The following PKHD1L1 variants were observed in gnomAD, a reference collection of about 807,000 sequenced individuals.
PKHD1L1 encodes PKHD1 like 1.
PKHD1L1 carries 434 observed loss-of-function variants against 462.9 expected under a neutral mutation model. That is an observed-to-expected ratio of 0.94 (90% CI 0.87 to 1.02). PKHD1L1 has a LOEUF of 1.02. Among genes scored for constraint, PKHD1L1 ranks in the 50% least tolerant of loss-of-function variants. The pLI, the probability that PKHD1L1 is intolerant of heterozygous loss-of-function variation, is 0.00. For missense variants in PKHD1L1, 5,202 were observed against 5,096.1 expected, an observed-to-expected ratio of 1.02 and a Z score of -0.63; for synonymous variants, 1,781 against 1,750.0, an observed-to-expected ratio of 1.02 and a Z score of -0.44.
chr8:109,413,638 G>A, intron 21 of PKHD1L1, 93 bp downstream of exon 21: 2 of 1,138,654 alleles, frequency 1.8e-6, no homozygotes, highest in Non-Finnish European at 2.3e-6. Context: ...TTTTTGTTTT[G>A]GTCTGTTTGG....
In PKHD1L1 at chr8:109,445,517, G is replaced by A. The variant is rs201130267; in HGVS notation, c.5648G>A (p.Arg1883His). 4.2e-5 allele frequency: 68 copies of A among 1,613,374 alleles called. No homozygotes were observed. In the Middle Eastern group the frequency reaches 4.9e-4, roughly 12 times the overall value. Reference protein sequence around the residue: ...ISINPNEVYCRTPAGTTGMVD... With the variant: ...ISINPNEVYCHTPAGTTGMVD... The stretch of plus-strand genomic sequence containing the variant: ...ATCAACCCCAATGAAGTCTACTGCC[G>A]CACTCCCGCTGGGACCACTGGAATG... The change falls in exon 38 of 78, where the codon CGC (arginine) becomes CAC (histidine). Residue 1883 changes from arginine to histidine, a missense_variant. By Grantham distance (29) the Arg-to-His change is conservative. This residue lies in a region of PKHD1L1 where 4,497 missense variants were observed against 4,336.8 expected (regional missense o/e 1.04). Transcript: ENST00000378402.
At chr8:109,496,723 A>C (rs1819106481) in intron 63 of PKHD1L1, among the ~76,000 whole-genome samples, 196 bp from the exon 64 acceptor site, 1 of 152,230 alleles carries the variant, frequency 6.6e-6, no homozygotes, top group Non-Finnish European at 1.5e-5. Flanking sequence ...CATCTCAAGA[A>C]CATTTAAAGA....
Position 109,442,123 on chromosome 8 carries a change from T to C in PKHD1L1, c.4321T>C (p.Ser1441Pro). ...TAGAGGGATAGGATATAGGATTTTT[T>C]CTGTCTCCAGTCCTGGAAGTGTAAT... ...FLRGIGYRIF[S>P]VSSPGSVIYD... Residue 1441 changes from serine to proline, a missense_variant, in exon 35 of 78, where the codon TCT becomes CCT. By Grantham distance (74) the Ser-to-Pro change is moderately conservative. Around this residue, in one of 3 missense-constraint regions of PKHD1L1, gnomAD observed 4,497 missense variants for 4,336.8 expected, o/e 1.04. Coordinates refer to ENST00000378402, the MANE Select transcript of PKHD1L1 (RefSeq NM_177531.6). 1 of 1,613,516 alleles carries C rather than the reference T, an allele frequency of 6.2e-7. No individual in the cohort carries two copies. The highest frequency in any genetic ancestry group is 8.5e-7 in the Non-Finnish European group (1 of 1,179,602).
Position 109,448,127 on chromosome 8 carries a change from T to C in PKHD1L1, c.5777-16T>C, listed in dbSNP as rs148550495. On this transcript the variant is annotated splice_polypyrimidine_tract_variant and intron_variant, in intron 38 of 77. Coordinates refer to ENST00000378402, the MANE Select transcript of PKHD1L1 (RefSeq NM_177531.6). ...AGTTAGATATATTTATATTGTGTGC[T>C]TTTTTTTTTTTTAAGGTCCACCAGG... is the stretch of plus-strand genomic sequence containing the variant. The C allele has an allele frequency of 5.9e-6, 1 of 169,664 alleles. No individual in the cohort carries two copies. The highest frequency in any genetic ancestry group is 1.9e-4 in the South Asian group (1 of 5,176). The allele number at this position is 169,664 out of a possible 1,614,324, so 10.5% of individuals were successfully genotyped here.
At position 109,400,099 on chromosome 8, in the gene PKHD1L1, G is replaced by A. The variant is rs1586432270; in HGVS notation, c.1036G>A (p.Val346Met). The A allele has an allele frequency of 1.2e-6, 2 of 1,613,208 alleles. No individual in the cohort carries two copies. The highest frequency in any genetic ancestry group is 2.2e-5 in the South Asian group (2 of 91,040). Reference protein sequence around the residue: ...YPGGRGLKLEVWNNSRPIRLE... With the variant: ...YPGGRGLKLEMWNNSRPIRLE... ...AGGAGGGAGAGGCCTGAAGCTTGAG[G>A]TGTGGAATAATAGCCGTCCAATACG... Residue 346 changes from valine to methionine, a missense_variant, in exon 13 of 78, where the codon GTG (valine) becomes ATG (methionine). Val to Met is a conservative substitution (Grantham distance 21, BLOSUM62 1). This residue lies in a region of PKHD1L1 where 4,497 missense variants were observed against 4,336.8 expected (regional missense o/e 1.04). Transcript: ENST00000378402.
At chr8:109,464,041 T>C (rs980632619) in intron 48 of PKHD1L1, among the ~76,000 whole-genome samples, 175 bp from the exon 49 acceptor site, 5 of 152,106 alleles carry the variant, frequency 3.3e-5, no homozygotes, top group African/African-American at 7.2e-5. Context: ...TGCTATACAT[T>C]GTATAAAACA....
chr8:109,386,742 T>C (rs1291170469), intron 6 of PKHD1L1, among the ~76,000 whole-genome samples: 1 of 152,160 alleles, frequency 6.6e-6, no homozygotes, highest in African/African-American at 2.4e-5. Context: ...TTAGGAATGG[T>C]TTATATTCTA....
intron 61 of PKHD1L1, 24 bp from the exon 62 acceptor site, chr8:109,491,849 T>C: frequency 6.5e-7 from 1 of 1,528,308 alleles, no homozygotes; most frequent in Non-Finnish European, 8.8e-7. Flanking sequence ...GGGATTTTCT[T>C]TCTTTTTTTC....
At position 109,362,731 on chromosome 8, in the gene PKHD1L1, G is replaced by A. The variant is rs940341531; in HGVS notation, c.73+78G>A. On this transcript the variant is annotated intron_variant, in intron 1 of 77. Transcript: ENST00000378402. Reference sequence around the variant, plus strand: ...TACCCCTGCTCCCGGGGTCCTGGGAGAGGCAGGACCACCTGGCACCTGGCT... The same window carrying A: ...TACCCCTGCTCCCGGGGTCCTGGGAAAGGCAGGACCACCTGGCACCTGGCT... 20 of 1,464,498 alleles carry A rather than the reference G, an allele frequency of 1.4e-5. No homozygotes were observed. In the African/African-American group the frequency reaches 1.8e-4, roughly 13 times the overall value. 90.7% of individuals were successfully genotyped at this position (1,464,498 alleles called of 1,614,324 possible).
At chr8:109,487,843 G>A (rs1563600152) in intron 59 of PKHD1L1, among the ~76,000 whole-genome samples, 2 of 143,220 alleles carry the variant, frequency 1.4e-5, no homozygotes, top group East Asian at 4.2e-4. Flanking sequence ...GTGAGACCCA[G>A]CCAAAAGAAA....
chr8:109,372,211 G>A (rs1227991745), intron 2 of PKHD1L1, among the ~76,000 whole-genome samples: 1 of 152,074 alleles, frequency 6.6e-6, no homozygotes, highest in Non-Finnish European at 1.5e-5. Flanking sequence ...CCTTGAAGAG[G>A]CCCTTCACAT....
Position 109,510,849 on chromosome 8 carries a change from C to T in PKHD1L1, c.11468C>T (p.Ala3823Val), listed in dbSNP as rs1171420498. ...CTGTCCCTGTTTCACAGCATTGTGGCTCTGAACAAATCTTATGAAGTTTAC... is the reference window on the plus strand; with the variant it reads ...CTGTCCCTGTTTCACAGCATTGTGGTTCTGAACAAATCTTATGAAGTTTAC... ...RRLSLFHSIVALNKSYEVYFT... is the reference protein window; with the variant it reads ...RRLSLFHSIVVLNKSYEVYFT... Residue 3823 changes from alanine to valine, a missense_variant, in exon 71 of 78, where the codon GCT becomes GTT. Ala to Val is a moderately conservative substitution (Grantham distance 64, BLOSUM62 0). This residue lies in a region of PKHD1L1 where 698 missense variants were observed against 736.3 expected (regional missense o/e 0.95). Transcript: ENST00000378402. The T allele has an allele frequency of 6.2e-7, 1 of 1,613,214 alleles. No homozygotes were observed. Among genetic ancestry groups the T allele is most frequent in the African/African-American group, 1.3e-5 (1 of 74,858 alleles).
intron 28 of PKHD1L1, among the ~76,000 whole-genome samples, chr8:109,433,528 A>G (rs1170509930): frequency 6.6e-6 from 1 of 152,160 alleles, no homozygotes; most frequent in African/African-American, 2.4e-5. Context: ...GGACACAAAA[A>G]TGTATGAAAT....
intron 2 of PKHD1L1, among the ~76,000 whole-genome samples, chr8:109,367,961 C>T (rs1300486159): frequency 2.0e-5 from 3 of 152,110 alleles, no homozygotes; most frequent in Non-Finnish European, 4.4e-5. Flanking sequence ...CATGATTTTA[C>T]TCTTATGATA....
chr8:109,384,905 T>C (rs574864170), intron 5 of PKHD1L1, among the ~76,000 whole-genome samples: 2 of 152,182 alleles, frequency 1.3e-5, no homozygotes, highest in East Asian at 3.9e-4. Context: ...TTTTTCTTAT[T>C]AAGTTACAAG....
chr8:109,467,021 T>C (rs143265826), intron 50 of PKHD1L1, among the ~76,000 whole-genome samples: 2 of 152,206 alleles, frequency 1.3e-5, no homozygotes, highest in African/African-American at 4.8e-5. Context: ...AGAGGGAGCG[T>C]TGGCACAGCC....
chr8:109,424,698 T>TA (rs1055341689), intron 23 of PKHD1L1, among the ~76,000 whole-genome samples: 1 of 152,234 alleles, frequency 6.6e-6, no homozygotes, highest in African/African-American at 2.4e-5. Context: ...TACTATTTTT[T>TA]AAAAAATCAT....
At chr8:109,413,237 T>C (rs2130607750) in intron 20 of PKHD1L1, among the ~76,000 whole-genome samples, 184 bp from the exon 21 acceptor site, 1 of 152,250 alleles carries the variant, frequency 6.6e-6, no homozygotes, top group African/African-American at 2.4e-5. Context: ...ACTTTGTCTG[T>C]AAAATCTTTC....
intron 5 of PKHD1L1, 73 bp downstream of exon 5, chr8:109,384,200 T>G: frequency 8.8e-7 from 1 of 1,131,738 alleles, no homozygotes; most frequent in Admixed American, 2.1e-5. Flanking sequence ...GTATATGAAA[T>G]TAGTATAATT....
Sources: gnomAD v4.1 joint callset for allele counts (sites outside exome capture counted in the v4.1 genomes callset) on GRCh38, gnomAD v4.1.1 for gene constraint, gnomAD v4.1.1 regional missense constraint, MANE v1.5 for transcripts, NCBI Gene and HGNC (gene_info 2026-07-23, HGNC 2026-07-21) for gene names.